Variants in PIGK observed in about 807,000 individuals in gnomAD.
PIGK encodes phosphatidylinositol glycan anchor biosynthesis class K, also known as GPI-anchor transamidase.
PIGK carries 42 observed loss-of-function variants against 50.6 expected under a neutral mutation model. The ratio of observed to expected loss-of-function variants is 0.83; its 90% confidence interval spans 0.65 to 1.07. PIGK has a LOEUF of 1.07. Ranked by LOEUF, PIGK falls within the 50% of genes least tolerant of loss-of-function variation. PIGK has a pLI of 0.00. For missense variants in PIGK, 448 were observed against 488.7 expected (o/e 0.92, Z 0.78); for synonymous variants, 151 against 156.0 (o/e 0.97, Z 0.24).
rs1032614649 is a variant in PIGK at position 77,122,326 on chromosome 1, C to T, written c.1020G>A (p.Met340Ile). ...GTTGTTCAGCATATTTCAGAGGTTC[C>T]ATTAGTTTCTCATCCATCTGGTCTT... is the stretch of plus-strand genomic sequence containing the variant. ...YKEDQMDEKL[M>I]EPLKYAEQLP... Residue 340 changes from methionine to isoleucine, a missense_variant, in exon 10 of 11, where the codon ATG becomes ATA. By Grantham distance (10) the Met-to-Ile change is conservative. Transcript: ENST00000370812. 8 of 1,606,220 alleles carry T rather than the reference C, an allele frequency of 5.0e-6. No individual in the cohort carries two copies. The highest frequency in any genetic ancestry group is 6.8e-6 in the Non-Finnish European group (8 of 1,173,394).
At chr1:77,171,981 T>G (rs1557813393) in intron 3 of PIGK, among the ~76,000 whole-genome samples, 1 of 151,844 alleles carries the variant, frequency 6.6e-6, no homozygotes, top group Non-Finnish European at 1.5e-5. Context: ...CTAAAAACAT[T>G]AATCCCATTG....
At chr1:77,195,804 A>G (rs867425082) in intron 3 of PIGK, among the ~76,000 whole-genome samples, 84 of 152,106 alleles carry the variant, frequency 5.5e-4, no homozygotes, top group African/African-American at 1.8e-3. Flanking sequence ...TTATATATCT[A>G]TATATTTAAA....
intron 8 of PIGK, among the ~76,000 whole-genome samples, chr1:77,160,352 T>C (rs1176226245): frequency 6.6e-6 from 1 of 152,206 alleles, no homozygotes; most frequent in African/African-American, 2.4e-5. Context: ...AGTAGTTCTA[T>C]CAAATTTCAC....
intron 10 of PIGK, among the ~76,000 whole-genome samples, chr1:77,102,798 TTTTATA>T (rs1355514682): frequency 8.5e-5 from 13 of 152,364 alleles, no homozygotes; most frequent in African/African-American, 3.1e-4. Flanking sequence ...ACATTTCAGC[TTTTATA>T]TTTAAATTTC....
At chr1:77,174,508 T>C (rs930652505) in intron 3 of PIGK, among the ~76,000 whole-genome samples, 5 of 152,192 alleles carry the variant, frequency 3.3e-5, no homozygotes, top group Admixed American at 1.3e-4. Context: ...GGAAATGACT[T>C]TGCATCACAA....
chr1:77,143,446 T>C (rs946888629), intron 9 of PIGK, among the ~76,000 whole-genome samples: 1 of 152,036 alleles, frequency 6.6e-6, no homozygotes, highest in Admixed American at 6.6e-5. Flanking sequence ...ATATCCAACA[T>C]AAAGGATATC....
chr1:77,190,213 C>T (rs1011296131), intron 3 of PIGK, among the ~76,000 whole-genome samples: 4 of 151,512 alleles, frequency 2.6e-5, no homozygotes, highest in Non-Finnish European at 4.4e-5. Flanking sequence ...CTTGGTGAGA[C>T]TCCATCTCTA....
intron 3 of PIGK, among the ~76,000 whole-genome samples, chr1:77,190,269 C>T (rs1201285658): frequency 6.6e-6 from 1 of 151,932 alleles, no homozygotes; most frequent in East Asian, 1.9e-4. Flanking sequence ...ATTGTGATAT[C>T]GCATGGCTGT....
At chr1:77,104,673 C>G (rs551054882) in intron 10 of PIGK, among the ~76,000 whole-genome samples, 6 of 152,276 alleles carry the variant, frequency 3.9e-5, no homozygotes, top group African/African-American at 1.4e-4. Context: ...AGGATTTTCT[C>G]GCGCCTTCAA....
chr1:77,195,793 T>C (rs921997744), intron 3 of PIGK, among the ~76,000 whole-genome samples: 1 of 151,970 alleles, frequency 6.6e-6, no homozygotes, highest in Admixed American at 6.6e-5. Context: ...AATCTAGATA[T>C]TTATATATCT....
At chr1:77,163,978 T>A (rs751144503) in intron 5 of PIGK, 36 bp from the exon 6 acceptor site, 2 of 1,139,510 alleles carry the variant, frequency 1.8e-6, no homozygotes, top group Admixed American at 3.9e-5. Context: ...ATAGATTTTT[T>A]AATGCAAACT....
chr1:77,176,459 T>G (rs1230876615), intron 3 of PIGK, among the ~76,000 whole-genome samples: 1 of 152,220 alleles, frequency 6.6e-6, no homozygotes, highest in Non-Finnish European at 1.5e-5. Context: ...GTCTAAGTAA[T>G]GCTATCAATC....
At chr1:77,199,078 T>A (rs1029885110) in intron 3 of PIGK, among the ~76,000 whole-genome samples, 6 of 152,074 alleles carry the variant, frequency 3.9e-5, no homozygotes, top group African/African-American at 1.4e-4. Flanking sequence ...ATTTCCCCTA[T>A]GCTTCATAAA....
intron 10 of PIGK, among the ~76,000 whole-genome samples, chr1:77,107,256 T>C (rs1163994667): frequency 1.3e-5 from 2 of 152,172 alleles, no homozygotes; most frequent in Non-Finnish European, 2.9e-5. Flanking sequence ...ACACACTGCT[T>C]TAAATGTGTC....
rs753292011 is a variant in PIGK, at chr1:77,169,331, C to G, written c.304G>C (p.Val102Leu). The G allele has an allele frequency of 2.5e-6, 4 of 1,605,156 alleles. No homozygotes were observed. Among genetic ancestry groups the G allele is most frequent in the Middle Eastern group, 3.3e-4 (2 of 6,026 alleles). ...CNPRNPKPAT[V>L]FSHKNMELNV... is the part of the protein sequence containing the mutation. Reference sequence around the variant, plus strand: ...AGTTCCATATTCTTGTGACTAAACACTGTAGCTGGTTTGGGATTTCTAGGA... The same window carrying G: ...AGTTCCATATTCTTGTGACTAAACAGTGTAGCTGGTTTGGGATTTCTAGGA... Residue 102 changes from valine to leucine, a missense_variant, in exon 4 of 11, where the codon GTG becomes CTG. Val to Leu is a conservative substitution (Grantham distance 32). Transcript: ENST00000370812.
intron 10 of PIGK, among the ~76,000 whole-genome samples, chr1:77,105,807 C>T (rs1367053031): frequency 6.6e-6 from 1 of 152,120 alleles, no homozygotes; most frequent in Non-Finnish European, 1.5e-5. Context: ...GTAACAAACA[C>T]CATGTGGCCC....
chr1:77,162,488 T>C (rs563134873), intron 6 of PIGK, among the ~76,000 whole-genome samples: 1 of 152,226 alleles, frequency 6.6e-6, no homozygotes, highest in African/African-American at 2.4e-5. Flanking sequence ...GTAGAATAGG[T>C]TCAATTTGTA....
intron 9 of PIGK, among the ~76,000 whole-genome samples, chr1:77,140,076 A>G (rs1570215511): frequency 6.6e-6 from 1 of 152,162 alleles, no homozygotes; most frequent in African/African-American, 2.4e-5. Context: ...CCCTGCTCAA[A>G]TATCAGGTTG....
chr1:77,108,564 G>A (rs1186135107), intron 10 of PIGK, among the ~76,000 whole-genome samples: 1 of 150,886 alleles, frequency 6.6e-6, no homozygotes, highest in Non-Finnish European at 1.5e-5. Context: ...GATAAATTAT[G>A]TGTCTTGGAG....
Sources: allele counts gnomAD v4.1 joint callset (sites outside exome capture counted in the v4.1 genomes callset), GRCh38; gene constraint gnomAD v4.1.1; transcripts MANE v1.5; gene names NCBI Gene and HGNC (gene_info 2026-07-23, HGNC 2026-07-21).